The following CARMIL3 variants were observed in gnomAD, a reference collection of about 807,000 sequenced individuals.
CARMIL3 encodes the protein capping protein, Arp2/3 and myosin-I linker protein 3.
A neutral mutation model predicts 180.8 loss-of-function variants in CARMIL3; 88 were observed. The ratio of observed to expected loss-of-function variants is 0.49; its 90% confidence interval spans 0.41 to 0.58. CARMIL3 has a LOEUF of 0.58. CARMIL3 is among the 20% of genes least tolerant of loss of function. The pLI is 0.00. For missense variants in CARMIL3, 1,548 were observed against 1,787.0 expected, an observed-to-expected ratio of 0.87 and a Z score of 2.41; for synonymous variants, 696 against 714.5, an observed-to-expected ratio of 0.97 and a Z score of 0.41.
At position 24,052,182 on chromosome 14, in the gene CARMIL3, G is replaced by T. The variant is rs1283201396; in HGVS notation, c.29G>T (p.Arg10Leu). The part of the protein sequence containing the change: MAKPSVELT[R>L]ELQDSIRRCL... ...GCCAAGCCCAGCGTGGAGCTCACCC[G>T]CGAGTTGCAAGGTACGAGGCTGCCT... is the stretch of plus-strand genomic sequence containing the variant. Residue 10 changes from arginine to leucine, a missense_variant, in exon 1 of 40, where the codon CGC becomes CTC. Coordinates refer to ENST00000342740, the MANE Select transcript of CARMIL3 (RefSeq NM_138360.4). The T allele has an allele frequency of 1.3e-5, 21 of 1,593,208 alleles. No homozygotes were observed. The highest frequency in any genetic ancestry group is 1.8e-5 in the Non-Finnish European group (21 of 1,174,066).
intron 1 of CARMIL3, 84 bp downstream of exon 1, chr14:24,052,277 C>A: frequency 2.2e-6 from 3 of 1,391,078 alleles, no homozygotes; most frequent in Non-Finnish European, 2.9e-6. Flanking sequence ...GCATCCCAGC[C>A]CGGTGTCTCA....
rs747979109 is a variant in CARMIL3, at chr14:24,059,712, C to T, written c.1848C>T (p.Asp616=). 3 of 1,613,986 alleles carry T rather than the reference C, an allele frequency of 1.9e-6. No individual in the cohort carries two copies. Among genetic ancestry groups the T allele is most frequent in the African/African-American group, 2.7e-5 (2 of 74,932 alleles). The change falls in exon 22 of 40, where the codon GAC becomes GAT. Residue 616 remains aspartate (D), a synonymous_variant. Transcript: ENST00000342740. The surrounding 1 kb of genome is among the most constrained non-coding windows in gnomAD (Gnocchi z 6.3). Reference sequence around the variant, plus strand: ...ATACATCTGCCCTGGGCTTCCTGGACATCGCAAGGGCCCTGGAGAGGTGAG... The same window carrying T: ...ATACATCTGCCCTGGGCTTCCTGGATATCGCAAGGGCCCTGGAGAGGTGAG... The part of the protein sequence containing the change: ...RNNTSALGFL[D]IARALESNHT...
At chr14:24,063,014 AG>A in intron 29 of CARMIL3, 105 bp from the exon 30 acceptor site, 1 of 1,543,798 alleles carries the variant, frequency 6.5e-7, no homozygotes. Context: ...CCAGTGCCTC[AG>A]CCCCCTGAGG....
Position 24,069,259 on chromosome 14 carries a change from G to A in CARMIL3, c.4093+12G>A, listed in dbSNP as rs777651107. 6.8e-6 allele frequency: 11 copies of A among 1,613,686 alleles called. No homozygotes were observed. The highest frequency in any genetic ancestry group is 9.3e-6 in the Non-Finnish European group (11 of 1,179,624). On this transcript the variant is annotated intron_variant, in intron 39 of 39. Coordinates refer to ENST00000342740, the MANE Select transcript of CARMIL3 (RefSeq NM_138360.4). ...TCCTGACCCCACAGGTGCTGGTGGTGAGAGGGCAGGTCCCCCCTTCCCACC... is the reference window on the plus strand; with the variant it reads ...TCCTGACCCCACAGGTGCTGGTGGTAAGAGGGCAGGTCCCCCCTTCCCACC...
chr14:24,057,726 GA>G, intron 14 of CARMIL3, 76 bp from the exon 15 acceptor site: 1 of 1,263,840 alleles, frequency 7.9e-7, no homozygotes. Flanking sequence ...CCTCGATGGG[GA>G]GGGAGGGGGA....
chr14:24,059,416 G>A lies in CARMIL3; in HGVS notation c.1773G>A (p.Lys591=), dbSNP rs749022368. The part of the protein sequence containing the change: ...MEDIGAKMLS[K]ALQINSSLRT... The stretch of plus-strand genomic sequence containing the variant: ...ACATCGGGGCCAAGATGCTGTCTAA[G>A]GCCCTGCAGATAAACTCCTCCCTCA... Residue 591 remains lysine (K), a synonymous_variant, in exon 21 of 40, where the codon AAG becomes AAA. Transcript: ENST00000342740. The surrounding 1 kb of genome is among the most constrained non-coding windows in gnomAD (Gnocchi z 6.3). 12 of 1,590,332 alleles carry A rather than the reference G, an allele frequency of 7.5e-6. No homozygotes were observed. Among genetic ancestry groups the A allele is most frequent in the Non-Finnish European group, 1.0e-5 (12 of 1,168,622 alleles).
intron 36 of CARMIL3, 26 bp from the exon 37 acceptor site, chr14:24,068,558 C>A (rs1411932149): frequency 1.9e-6 from 3 of 1,573,864 alleles, no homozygotes; most frequent in South Asian, 2.3e-5. Context: ...CCTTTTCCTG[C>A]AGCTTCTCCT....
intron 29 of CARMIL3, 104 bp from the exon 30 acceptor site, chr14:24,063,016 C>T (rs2035747791): frequency 6.5e-7 from 1 of 1,542,454 alleles, no homozygotes; most frequent in South Asian, 1.2e-5. Context: ...AGTGCCTCAG[C>T]CCCCTGAGGA....
chr14:24,055,606 G>A lies in CARMIL3; in HGVS notation c.669G>A (p.Lys223=), dbSNP rs770070069. 1.9e-6 allele frequency: 3 copies of A among 1,614,158 alleles called. No individual in the cohort carries two copies. In the South Asian group the frequency reaches 3.3e-5, roughly 18 times the overall value. ...AGTGGTTCACCAAACTCTACTGCAA[G>A]GACTTGCGGCTGGTAGGAACTGGGA... The part of the protein sequence containing the change: ...YNQWFTKLYC[K]DLRLGSEVLE... The change falls in exon 9 of 40, where the codon AAG becomes AAA. Residue 223 remains lysine, a synonymous_variant. Coordinates refer to ENST00000342740, the MANE Select transcript of CARMIL3 (RefSeq NM_138360.4).
rs751133948 is a variant in CARMIL3, at chr14:24,065,625, A to C, written c.3400A>C (p.Thr1134Pro). ...RGPSFRRKMG[T>P]EGSEPGEGGP... ...TAAATAAGAGACCTTGTTCTAGGGC[A>C]CTGAGGGGTCAGAGCCAGGGGAGGG... Residue 1134 changes from threonine (T) to proline (P), a missense_variant, in exon 34 of 40, where the codon ACT becomes CCT. Thr to Pro is a conservative substitution (Grantham distance 38). This residue lies in a region of CARMIL3 where 668 missense variants were observed against 687.8 expected (regional missense o/e 0.97). Transcript: ENST00000342740. The C allele has an allele frequency of 6.2e-7, 1 of 1,611,326 alleles. No individual in the cohort carries two copies. Among genetic ancestry groups the C allele is most frequent in the African/African-American group, 1.3e-5 (1 of 74,826 alleles).
chr14:24,059,052 T>G lies in CARMIL3; in HGVS notation c.1571+66T>G. The stretch of plus-strand genomic sequence containing the variant: ...ATTCACCCATCCTCTTGGCTCACCG[T>G]ATTACCTCTGGCCACCTCTCTCCTC... On this transcript the variant is annotated intron_variant, in intron 19 of 39. Coordinates refer to ENST00000342740, the MANE Select transcript of CARMIL3 (RefSeq NM_138360.4). The surrounding 1 kb of genome is among the most constrained non-coding windows in gnomAD (Gnocchi z 6.3). 1 of 1,598,394 alleles carries G rather than the reference T, an allele frequency of 6.3e-7. No individual in the cohort carries two copies. Among genetic ancestry groups the G allele is most frequent in the Non-Finnish European group, 8.5e-7 (1 of 1,171,778 alleles).
Position 24,062,807 on chromosome 14 carries a change from C to A in CARMIL3, c.2667C>A (p.Asp889Glu), listed in dbSNP as rs755913097. Residue 889 changes from aspartate to glutamate, a missense_variant, in exon 29 of 40, where the codon GAC becomes GAA. Asp to Glu is a conservative substitution (Grantham distance 45). Coordinates refer to ENST00000342740, the MANE Select transcript of CARMIL3 (RefSeq NM_138360.4). The part of the protein sequence containing the change: ...LSSRGRGRNH[D>E]HEETTDDELG... ...CCCGGGGCCGAGGCCGGAACCATGA[C>A]CATGAGGAGACCACAGATGATGAAC... The A allele has an allele frequency of 6.2e-7, 1 of 1,613,262 alleles. No individual in the cohort carries two copies. Among genetic ancestry groups the A allele is most frequent in the Admixed American group, 1.7e-5 (1 of 59,880 alleles).
intron 11 of CARMIL3, 81 bp downstream of exon 11, chr14:24,056,474 A>C: frequency 1.3e-6 from 2 of 1,499,084 alleles, no homozygotes; most frequent in Non-Finnish European, 1.8e-6. Flanking sequence ...TCTGAACAGC[A>C]GCTCTCCAGC....
intron 24 of CARMIL3, 48 bp from the exon 25 acceptor site, chr14:24,060,580 A>T (rs748651227): frequency 6.2e-7 from 1 of 1,604,518 alleles, no homozygotes; most frequent in Non-Finnish European, 8.5e-7. Context: ...CTACCTGCGA[A>T]GATGTGGAAG....
chr14:24,064,093 CAA>C (rs564964326), intron 31 of CARMIL3, among the ~76,000 whole-genome samples, 151 bp from the exon 32 acceptor site: 7,257 of 64,056 alleles, frequency 0.11, 199 homozygotes, highest in Middle Eastern at 0.18. Context: ...GACTCCGTCT[CAA>C]AAAAAAAAAA....
At position 24,061,212 on chromosome 14, in the gene CARMIL3, AT is replaced by A; in HGVS notation, c.2304+179del. On this transcript the variant is annotated intron_variant, in intron 26 of 39. Transcript: ENST00000342740. This position sits in a 1 kb window ranked among gnomAD's most constrained non-coding sequence, Gnocchi z 4.1. ...GGCATTGCTGCAATATCAGGCTTGG[AT>A]TTTTTTCTGCTAGCTTTGATGTTGG... 1.5e-6 allele frequency: 1 copy of A among 663,630 alleles called. No homozygotes were observed. Among genetic ancestry groups the A allele is most frequent in the South Asian group, 2.0e-5 (1 of 50,860 alleles). 41.1% of individuals were successfully genotyped at this position (663,630 alleles called of 1,614,324 possible).
intron 28 of CARMIL3, 61 bp from the exon 29 acceptor site, chr14:24,062,648 T>C: frequency 6.2e-7 from 1 of 1,612,766 alleles, no homozygotes; most frequent in Non-Finnish European, 8.5e-7. Flanking sequence ...CACCCTCCCC[T>C]TCAAGGCCCT....
chr14:24,057,376 A>G (rs2035683029), intron 14 of CARMIL3, 132 bp downstream of exon 14: 2 of 794,084 alleles, frequency 2.5e-6, no homozygotes, highest in South Asian at 1.5e-5. Flanking sequence ...CAGCTGAAGT[A>G]TAAAGCAATG....
rs1214984475 is a variant in CARMIL3, at chr14:24,058,921, T to G, written c.1506T>G (p.Pro502=). 1.9e-6 allele frequency: 3 copies of G among 1,614,110 alleles called. No homozygotes were observed. Among genetic ancestry groups the G allele is most frequent in the African/African-American group, 2.7e-5 (2 of 74,948 alleles). Residue 502 remains proline, a synonymous_variant, in exon 19 of 40, where the codon CCT becomes CCG. Coordinates refer to ENST00000342740, the MANE Select transcript of CARMIL3 (RefSeq NM_138360.4). The surrounding 1 kb of genome is among the most constrained non-coding windows in gnomAD (Gnocchi z 6.4). ...GFDSDLLTLV[P]ALGKNKSLKH... ...ACTCGGACCTCCTGACACTGGTGCC[T>G]GCACTTGGCAAGAACAAGTCCCTCA...
Sources: allele counts gnomAD v4.1 joint callset (sites outside exome capture counted in the v4.1 genomes callset), GRCh38; gene constraint gnomAD v4.1.1; regional missense constraint gnomAD v4.1.1; non-coding constraint Gnocchi (gnomAD v3.1); transcripts MANE v1.5; gene names NCBI Gene and HGNC (gene_info 2026-07-23, HGNC 2026-07-21).